The following DENND6B variants were observed in gnomAD, a reference collection of about 807,000 sequenced individuals.
DENND6B encodes the protein protein DENND6B.
DENND6B carries 73 observed loss-of-function variants against 85.1 expected under a neutral mutation model. The observed-to-expected ratio is 0.86, with a 90% CI of 0.71 to 1.04. The LOEUF (loss-of-function observed/expected upper bound fraction) is 1.04. Ranked by LOEUF, DENND6B falls within the 50% of genes least tolerant of loss-of-function variation. The probability of loss-of-function intolerance (pLI) is 0.00; values close to 1 mark genes in which losing one functional copy is unlikely to be tolerated. For missense variants in DENND6B, 715 were observed against 785.8 expected, an observed-to-expected ratio of 0.91 and a Z score of 1.08; for synonymous variants, 357 against 329.3, an observed-to-expected ratio of 1.08 and a Z score of -0.91.
chr22:50,313,340 G>C, intron 16 of DENND6B, 106 bp downstream of exon 16: 1 of 1,417,884 alleles, frequency 7.1e-7, no homozygotes, highest in East Asian at 2.5e-5. Flanking sequence ...CTTGAGGCCT[G>C]TGGCTCCTGC....
chr22:50,317,474 G>T, intron 4 of DENND6B, 101 bp from the exon 5 acceptor site: 1 of 1,321,028 alleles, frequency 7.6e-7, no homozygotes, highest in Non-Finnish European at 1.1e-6. Context: ...GCTGCAGATG[G>T]AAGGCTGGAG....
chr22:50,326,746 G>GGCGGGACTGGCCCCGAGAGGC, intron 1 of DENND6B, 66 bp downstream of exon 1: 1 of 1,280,900 alleles, frequency 7.8e-7, no homozygotes, highest in Non-Finnish European at 9.9e-7. Flanking sequence ...CCCCAAGCGA[G>GGCGGGACTGGCCCCGAGAGGC]GCGGGACTGG....
At chr22:50,317,813 A>G in intron 4 of DENND6B, 95 bp downstream of exon 4, 3 of 1,270,198 alleles carry the variant, frequency 2.4e-6, no homozygotes, top group Non-Finnish European at 3.2e-6. Context: ...CACAGGGCCC[A>G]GGCACTCTGA....
At position 50,314,791 on chromosome 22, in the gene DENND6B, G is replaced by A; in HGVS notation, c.881+8C>T. The stretch of plus-strand genomic sequence containing the variant: ...GCTTCCCCAGCCGGGACCGGGCCAA[G>A]GCGATACCTGGTCAAGGCCAGCACC... On this transcript the variant is annotated splice_region_variant and intron_variant, in intron 10 of 19. Coordinates refer to ENST00000413817, the MANE Select transcript of DENND6B (RefSeq NM_001001794.4). 3 of 1,601,298 alleles carry A rather than the reference G, an allele frequency of 1.9e-6. No homozygotes were observed. Among genetic ancestry groups the A allele is most frequent in the Non-Finnish European group, 2.6e-6 (3 of 1,174,662 alleles).
At chr22:50,313,250 C>T in intron 16 of DENND6B, 142 bp from the exon 17 acceptor site, 2 of 1,163,078 alleles carry the variant, frequency 1.7e-6, no homozygotes, top group East Asian at 5.2e-5. Context: ...ACAGCCTTTC[C>T]CAGGGAGCAG....
At chr22:50,320,403 T>G (rs1437631523) in intron 1 of DENND6B, among the ~76,000 whole-genome samples, 1 of 152,208 alleles carries the variant, frequency 6.6e-6, no homozygotes, top group Admixed American at 6.5e-5. Flanking sequence ...ATAGCCCTGC[T>G]CTTCTGTTTG....
rs1330714578 is a variant in DENND6B at position 50,313,644 on chromosome 22, G to C, written c.1284C>G (p.Ile428Met). 3.2e-6 allele frequency: 5 copies of C among 1,586,802 alleles called. No homozygotes were observed. Among genetic ancestry groups the C allele is most frequent in the Admixed American group, 3.6e-5 (2 of 56,088 alleles). The change falls in exon 15 of 20, where the codon ATC (isoleucine) becomes ATG (methionine). Residue 428 changes from isoleucine to methionine, a missense_variant. Physicochemically the swap from Ile to Met is conservative, Grantham distance 10 (BLOSUM62 1). Transcript: ENST00000413817. ...RHLLELTQSF[I>M]IPLEHYMASL... is the part of the protein sequence containing the mutation. ...CAGCCCCGGGCCTCACCAGGGGGAT[G>C]ATGAAGCTCTGGGTGAGCTCCAGGA... is the stretch of plus-strand genomic sequence containing the variant.
At chr22:50,314,021 C>A in intron 13 of DENND6B, 143 bp from the exon 14 acceptor site, 1 of 1,280,122 alleles carries the variant, frequency 7.8e-7, no homozygotes, top group South Asian at 1.5e-5. Context: ...CACCCACCCA[C>A]CCCCCAGACA....
In DENND6B at chr22:50,318,835, G is replaced by A. The variant is rs748452414; in HGVS notation, c.259+12C>T. On this transcript the variant is annotated intron_variant, in intron 3 of 19. Transcript: ENST00000413817. ...CTTCATGTCCAGCCCCAGGAAAGGT[G>A]GGGTTGCCTACCTGAGTGCGAGTCG... is the stretch of plus-strand genomic sequence containing the variant. 33 of 1,612,886 alleles carry A rather than the reference G, an allele frequency of 2.0e-5. No homozygotes were observed. Among genetic ancestry groups the A allele is most frequent in the Non-Finnish European group, 2.7e-5 (32 of 1,179,596 alleles).
At position 50,317,894 on chromosome 22, in the gene DENND6B, A is replaced by G. The variant is rs1427762307; in HGVS notation, c.372+14T>C. The stretch of plus-strand genomic sequence containing the variant: ...CAGGGGAGAAGCAGGCCAGAGACGC[A>G]GCCCAGTGCTCACCTGCAGTGCCAC... On this transcript the variant is annotated intron_variant, in intron 4 of 19. Coordinates refer to ENST00000413817, the MANE Select transcript of DENND6B (RefSeq NM_001001794.4). 1.2e-6 allele frequency: 2 copies of G among 1,600,044 alleles called. No homozygotes were observed. The highest frequency in any genetic ancestry group is 1.7e-6 in the Non-Finnish European group (2 of 1,176,358).
At chr22:50,322,776 C>T (rs994330721) in intron 1 of DENND6B, among the ~76,000 whole-genome samples, 1 of 151,758 alleles carries the variant, frequency 6.6e-6, no homozygotes, top group African/African-American at 2.4e-5. Flanking sequence ...GTCTCAAACT[C>T]CTGACCTCAG....
chr22:50,326,735 G>A, intron 1 of DENND6B, 77 bp downstream of exon 1: 2 of 1,232,550 alleles, frequency 1.6e-6, no homozygotes, highest in South Asian at 4.6e-5. Flanking sequence ...GCGGCCGAGG[G>A]CCCCAAGCGA....
rs1348533159 is a variant in DENND6B, at chr22:50,314,593, G to C, written c.977+12C>G. 1 of 1,558,506 alleles carries C rather than the reference G, an allele frequency of 6.4e-7. No individual in the cohort carries two copies. The highest frequency in any genetic ancestry group is 8.7e-7 in the Non-Finnish European group (1 of 1,151,476). The stretch of plus-strand genomic sequence containing the variant: ...GAGCAAGGGCAAGAGGCGGGGCAGA[G>C]GCGGCACTTACGGGGCCTGCGTGCG... On this transcript the variant is annotated intron_variant, in intron 11 of 19. Coordinates refer to ENST00000413817, the MANE Select transcript of DENND6B (RefSeq NM_001001794.4).
chr22:50,312,506 C>A lies in DENND6B; in HGVS notation c.1560+17G>T, dbSNP rs917173735. The A allele has an allele frequency of 2.5e-6, 4 of 1,572,472 alleles. No homozygotes were observed. Among genetic ancestry groups the A allele is most frequent in the Non-Finnish European group, 3.5e-6 (4 of 1,159,322 alleles). On this transcript the variant is annotated intron_variant, in intron 18 of 19. Transcript: ENST00000413817. ...CCCACCATGTTCTGGCCCTCCCCAA[C>A]CCCCAGCCTCTCTCACCGCCTCACA... is the stretch of plus-strand genomic sequence containing the variant.
chr22:50,326,995 G>C lies in DENND6B; in HGVS notation c.-7C>G. The stretch of plus-strand genomic sequence containing the variant: ...TGCCCAACAGCGCGTCCATGGCGGC[G>C]GCCGCGGGTTGCCGGGGAAACGCGG... On this transcript the variant is annotated 5_prime_UTR_variant, in exon 1 of 20. Transcript: ENST00000413817. 2 of 1,187,442 alleles carry C rather than the reference G, an allele frequency of 1.7e-6. No individual in the cohort carries two copies. Among genetic ancestry groups the C allele is most frequent in the Non-Finnish European group, 2.1e-6 (2 of 960,570 alleles). 73.6% of individuals were successfully genotyped at this position (1,187,442 alleles called of 1,614,324 possible).
Position 50,316,410 on chromosome 22 carries a change from G to T in DENND6B, c.519C>A (p.Ala173=). 6.3e-7 allele frequency: 1 copy of T among 1,587,718 alleles called. No individual in the cohort carries two copies. The highest frequency in any genetic ancestry group is 1.3e-5 in the African/African-American group (1 of 74,330). ...RLFQALLSLI[A]PEYFDKLAPC... ...GCGCCAGCTTGTCAAAGTACTCGGG[G>T]GCGATGAGGCTTAGCAGCGCTTGGA... Residue 173 remains alanine, a synonymous_variant, in exon 6 of 20, where the codon GCC becomes GCA. Transcript: ENST00000413817.
Position 50,313,646 on chromosome 22 carries a change from T to C in DENND6B, c.1282A>G (p.Ile428Val), listed in dbSNP as rs372261837. ...RHLLELTQSF[I>V]IPLEHYMASL... ...GCCCCGGGCCTCACCAGGGGGATGA[T>C]GAAGCTCTGGGTGAGCTCCAGGAGG... The change falls in exon 15 of 20, where the codon ATC becomes GTC. Residue 428 changes from isoleucine (I) to valine (V), a missense_variant. By Grantham distance (29) the Ile-to-Val change is conservative. Transcript: ENST00000413817. 205 of 1,578,204 alleles carry C rather than the reference T, an allele frequency of 1.3e-4. No homozygotes were observed. Among genetic ancestry groups the C allele is most frequent in the Non-Finnish European group, 1.7e-4 (199 of 1,165,116 alleles).
Position 50,313,041 on chromosome 22 carries a change from TG to T in DENND6B, c.1414del (p.Gln472SerfsTer36). ...GTCGCCCTTGAGGATGCAGGTGAGC[TG>T]GGGCCCAGCATGCTCCAGGCTACGC... ...FLRSLEHAGP[Q>X]LTCILKGDWL... On this transcript the variant is annotated frameshift_variant, in exon 17 of 20. Coordinates refer to ENST00000413817, the MANE Select transcript of DENND6B (RefSeq NM_001001794.4). LOFTEE classifies it high-confidence loss of function. The T allele has an allele frequency of 6.4e-7, 1 of 1,562,872 alleles. No homozygotes were observed. The highest frequency in any genetic ancestry group is 8.7e-7 in the Non-Finnish European group (1 of 1,154,450).
rs1238964618 is a variant in DENND6B, at chr22:50,311,822, CAG to C, written c.*315_*316del. Reference sequence around the variant, plus strand: ...GCCAACAGATGGGCACCGGGAGGGGCAGACGGTAGACGCACCCACATCAGCAA... The same window carrying C: ...GCCAACAGATGGGCACCGGGAGGGGCACGGTAGACGCACCCACATCAGCAA... On this transcript the variant is annotated 3_prime_UTR_variant, in exon 20 of 20. Coordinates refer to ENST00000413817, the MANE Select transcript of DENND6B (RefSeq NM_001001794.4). 1 of 401,882 alleles carries C rather than the reference CAG, an allele frequency of 2.5e-6. No homozygotes were observed. Among genetic ancestry groups the C allele is most frequent in the Admixed American group, 4.0e-5 (1 of 25,116 alleles). 24.9% of individuals were successfully genotyped at this position (401,882 alleles called of 1,614,324 possible). A position where few individuals can be genotyped will look rare whatever the true frequency, so the allele number is the denominator to read the frequency against.
Sources: allele counts gnomAD v4.1 joint callset (sites outside exome capture counted in the v4.1 genomes callset), GRCh38; gene constraint gnomAD v4.1.1; transcripts MANE v1.5; gene names NCBI Gene and HGNC (gene_info 2026-07-23, HGNC 2026-07-21).